The following PHF14 variants were observed in gnomAD, a reference collection of about 807,000 sequenced individuals.
PHF14 encodes the protein PHD finger protein 14.
In PHF14, 55 loss-of-function variants were observed where a neutral mutation model predicts 117.9. The observed-to-expected ratio is 0.47, with a 90% CI of 0.38 to 0.58. The LOEUF is 0.58. Among genes scored for constraint, PHF14 ranks in the 20% least tolerant of loss-of-function variants. PHF14 has a pLI of 0.00. For missense variants in PHF14, 978 were observed against 1,122.2 expected (o/e 0.87, Z 1.84); for synonymous variants, 409 against 368.6 (o/e 1.11, Z -1.26).
intron 16 of PHF14, among the ~76,000 whole-genome samples, chr7:11,091,537 G>T (rs753306943): frequency 4.0e-4 from 61 of 152,206 alleles, no homozygotes; most frequent in Non-Finnish European, 6.9e-4. Flanking sequence ...AGGCAGATCA[G>T]TTGAGCCCAG....
chr7:10,998,786 G>C (rs1782753668), intron 4 of PHF14, among the ~76,000 whole-genome samples: 2 of 152,128 alleles, frequency 1.3e-5, no homozygotes, highest in Admixed American at 1.3e-4. Flanking sequence ...AGTTCTGTCA[G>C]TTTTGGTGAT....
At chr7:11,099,691 G>T (rs1787013715) in intron 16 of PHF14, among the ~76,000 whole-genome samples, 1 of 152,076 alleles carries the variant, frequency 6.6e-6, no homozygotes, top group Non-Finnish European at 1.5e-5. Flanking sequence ...CTAGATGAAT[G>T]ACCTTGAATC....
intron 17 of PHF14, among the ~76,000 whole-genome samples, chr7:11,152,864 G>A (rs1054402465): frequency 3.9e-5 from 6 of 152,110 alleles, no homozygotes; most frequent in African/African-American, 1.2e-4. Flanking sequence ...CAAAATAAAA[G>A]TCAGAGGAAA....
intron 17 of PHF14, among the ~76,000 whole-genome samples, chr7:11,139,268 G>T (rs1788335531): frequency 6.6e-6 from 1 of 152,040 alleles, no homozygotes; most frequent in Admixed American, 6.5e-5. Flanking sequence ...TTTGTTTGTT[G>T]TTTCTAAAAA....
chr7:11,074,632 T>G (rs2128334323), intron 16 of PHF14, among the ~76,000 whole-genome samples: 1 of 152,316 alleles, frequency 6.6e-6, no homozygotes, highest in Admixed American at 6.5e-5. Flanking sequence ...AAACCTGTGT[T>G]ATCACTCTTA....
chr7:11,012,890 A>T (rs945154801), intron 4 of PHF14, among the ~76,000 whole-genome samples: 4 of 152,220 alleles, frequency 2.6e-5, no homozygotes, highest in African/African-American at 7.2e-5. Flanking sequence ...CATGGAACTC[A>T]GTCTGTCTAA....
chr7:11,017,594 T>G (rs1458923999), intron 5 of PHF14, among the ~76,000 whole-genome samples: 2 of 152,190 alleles, frequency 1.3e-5, no homozygotes, highest in African/African-American at 2.4e-5. Flanking sequence ...CTGTTTTTAA[T>G]CAGATTATTA....
intron 9 of PHF14, 60 bp downstream of exon 9, chr7:11,036,748 T>C: frequency 7.0e-7 from 1 of 1,434,268 alleles, no homozygotes; most frequent in Non-Finnish European, 9.6e-7. Context: ...AATGAAAATG[T>C]TTGATATACT....
chr7:11,156,969 A>G (rs934468469), intron 17 of PHF14, among the ~76,000 whole-genome samples: 2 of 152,178 alleles, frequency 1.3e-5, no homozygotes, highest in African/African-American at 4.8e-5. Flanking sequence ...TATTATTTTG[A>G]TATCATAACT....
In PHF14 at chr7:11,102,416, A is replaced by G. The variant is rs576551712; in HGVS notation, c.2655-8934A>G. On this transcript the variant is annotated intron_variant, in intron 16 of 17. Coordinates refer to ENST00000634607, the MANE Select transcript of PHF14 (RefSeq NM_001007157.2). ...CTACTGTGGTTTGTTAGTATGTTTC[A>G]TAAGACATAGTGCAGAGCTGCTATG... is the stretch of plus-strand genomic sequence containing the variant. 424 of 1,550,846 alleles carry G rather than the reference A, an allele frequency of 2.7e-4. 2 individuals are homozygous for G. The highest frequency in any genetic ancestry group is 6.1e-4 in the Admixed American group (34 of 55,626).
rs570324991 is a variant in PHF14 at position 11,083,546 on chromosome 7, C to T, written c.2654+21461C>T. 4.9e-4 allele frequency among the ~76,000 whole-genome samples: 73 copies of T among 149,038 alleles called. 1 individual carries two copies. The highest frequency in any genetic ancestry group is 8.1e-4 in the Admixed American group (12 of 14,744). ...TGCAGTCTCGGCTCACTGGAAACTC[C>T]GCCTCCCAGGTTCAAGCAGTTCTCC... On this transcript the variant is annotated intron_variant, in intron 16 of 17. Transcript: ENST00000634607.
chr7:10,989,514 G>T (rs1433533290), intron 3 of PHF14, among the ~76,000 whole-genome samples: 5 of 152,118 alleles, frequency 3.3e-5, no homozygotes, highest in African/African-American at 1.2e-4. Context: ...AAATATGCAA[G>T]AATCATTTTC....
chr7:11,087,974 A>C (rs1342276273), intron 16 of PHF14, among the ~76,000 whole-genome samples: 1 of 152,220 alleles, frequency 6.6e-6, no homozygotes, highest in African/African-American at 2.4e-5. Context: ...TATAAGTTCT[A>C]ATTTATAGAA....
intron 17 of PHF14, among the ~76,000 whole-genome samples, chr7:11,162,679 C>G (rs1789080257): frequency 6.7e-6 from 1 of 150,218 alleles, no homozygotes; most frequent in Non-Finnish European, 1.5e-5. Context: ...GATCCCAGGT[C>G]ATACATGGGA....
At chr7:11,001,950 T>C (rs1460578928) in intron 4 of PHF14, among the ~76,000 whole-genome samples, 1 of 152,218 alleles carries the variant, frequency 6.6e-6, no homozygotes, top group Non-Finnish European at 1.5e-5. Context: ...GCTTCTAGTT[T>C]CTCATCGTTA....
rs145342679 is a variant in PHF14 at position 10,996,133 on chromosome 7, G to A, written c.1045+5286G>A. Among the ~76,000 whole-genome samples the A allele has an allele frequency of 3.3e-5, 5 of 152,352 alleles. No individual in the cohort carries two copies. The South Asian group carries it at 6.2e-4, about 19-fold the overall frequency. On this transcript the variant is annotated intron_variant, in intron 4 of 17. Coordinates refer to ENST00000634607, the MANE Select transcript of PHF14 (RefSeq NM_001007157.2). ...GCCATAACATGGCTTTTCAGCAGAG[G>A]ATTAATATGGTTTGATTCATGTTTT...
chr7:11,082,706 A>T (rs1562456795), intron 16 of PHF14, among the ~76,000 whole-genome samples: 2 of 152,030 alleles, frequency 1.3e-5, no homozygotes, highest in Non-Finnish European at 2.9e-5. Flanking sequence ...ATATTTCTCC[A>T]TTTCCTTCTT....
intron 17 of PHF14, among the ~76,000 whole-genome samples, chr7:11,120,323 C>T (rs944357353): frequency 4.0e-5 from 6 of 151,876 alleles, no homozygotes; most frequent in African/African-American, 1.2e-4. Context: ...TAGAGGTGCT[C>T]AGTAAGTGAC....
At chr7:11,071,535 G>A (rs891181479) in intron 16 of PHF14, among the ~76,000 whole-genome samples, 3 of 151,886 alleles carry the variant, frequency 2.0e-5, no homozygotes, top group Admixed American at 6.6e-5. Context: ...TCTAATTTTC[G>A]TCCCATTAAA....
Sources: gnomAD v4.1 joint callset for allele counts (sites outside exome capture counted in the v4.1 genomes callset) on GRCh38, gnomAD v4.1.1 for gene constraint, MANE v1.5 for transcripts, NCBI Gene and HGNC (gene_info 2026-07-23, HGNC 2026-07-21) for gene names.